Variants in CAMTA1 observed in about 807,000 individuals in gnomAD.
The protein encoded by CAMTA1 is calmodulin-binding transcription activator 1.
CAMTA1 carries 27 observed loss-of-function variants against 170.9 expected under a neutral mutation model. The observed-to-expected ratio is 0.16, with a 90% confidence interval of 0.12 to 0.22. The LOEUF is 0.22. CAMTA1 is among the 10% of genes least tolerant of loss of function. The pLI is 1.00. For missense variants in CAMTA1, 1,619 were observed against 2,217.2 expected (o/e 0.73, Z 5.42); for synonymous variants, 833 against 891.5 (o/e 0.93, Z 1.17).
chr1:7,085,649 G>T (rs536619570), intron 3 of CAMTA1, among the ~76,000 whole-genome samples: 1 of 152,370 alleles, frequency 6.6e-6, no homozygotes, highest in South Asian at 2.1e-4. Flanking sequence ...CAGGTTATGT[G>T]GGCAGAGCTG....
chr1:7,341,384 T>G (rs1178932244), intron 5 of CAMTA1, among the ~76,000 whole-genome samples: 1 of 152,220 alleles, frequency 6.6e-6, no homozygotes, highest in East Asian at 1.9e-4. Flanking sequence ...CTGAGAAGAA[T>G]GAGACACCCG....
chr1:7,406,135 A>G (rs1452540166), intron 5 of CAMTA1, among the ~76,000 whole-genome samples: 1 of 152,208 alleles, frequency 6.6e-6, no homozygotes, highest in African/African-American at 2.4e-5. Flanking sequence ...GTGATAAGTA[A>G]ATCTTGTCCA....
At chr1:7,142,142 C>T in intron 4 of CAMTA1, 1 of 518,720 alleles carries the variant, frequency 1.9e-6, no homozygotes, top group South Asian at 1.4e-5. Context: ...CCTCTGCAGT[C>T]TTGGAGAGCC....
intron 5 of CAMTA1, among the ~76,000 whole-genome samples, chr1:7,451,302 C>G (rs1022261930): frequency 6.6e-6 from 1 of 152,192 alleles, no homozygotes; most frequent in Non-Finnish European, 1.5e-5. Context: ...GATCAGTGCA[C>G]TGAGCTCTGC....
At chr1:7,411,311 C>T (rs867186104) in intron 5 of CAMTA1, among the ~76,000 whole-genome samples, 7 of 152,242 alleles carry the variant, frequency 4.6e-5, no homozygotes, top group African/African-American at 1.4e-4. Flanking sequence ...CCCCGACTGA[C>T]GCAGGATGTT....
At chr1:7,232,776 G>A (rs974576517) in intron 4 of CAMTA1, among the ~76,000 whole-genome samples, 10 of 152,244 alleles carry the variant, frequency 6.6e-5, no homozygotes, top group Non-Finnish European at 1.3e-4. Flanking sequence ...AGAACAAAGC[G>A]CATTAAGAGG....
chr1:7,390,056 C>T (rs1045099646), intron 5 of CAMTA1, among the ~76,000 whole-genome samples: 1 of 152,182 alleles, frequency 6.6e-6, no homozygotes, highest in Non-Finnish European at 1.5e-5. Context: ...CTTTACCTGC[C>T]GCTTCCCTGC....
intron 3 of CAMTA1, among the ~76,000 whole-genome samples, chr1:6,924,886 A>G (rs112038228): frequency 5.9e-5 from 9 of 152,274 alleles, no homozygotes; most frequent in African/African-American, 1.9e-4. Context: ...GGCAGCCCAC[A>G]TTTGCCTCTT....
intron 5 of CAMTA1, among the ~76,000 whole-genome samples, chr1:7,418,492 C>T (rs2091346624): frequency 6.6e-6 from 1 of 152,192 alleles, no homozygotes; most frequent in African/African-American, 2.4e-5. Flanking sequence ...AGCCACCGTG[C>T]CTGGCTTCTC....
chr1:7,492,403 G>A (rs886305210), intron 6 of CAMTA1, among the ~76,000 whole-genome samples: 1 of 152,094 alleles, frequency 6.6e-6, no homozygotes, highest in Non-Finnish European at 1.5e-5. Flanking sequence ...TCCTCAGCTG[G>A]GGTGTGCACA....
chr1:7,037,789 G>T (rs1572608272), intron 3 of CAMTA1, among the ~76,000 whole-genome samples: 5 of 150,560 alleles, frequency 3.3e-5, no homozygotes, highest in African/African-American at 1.2e-4. Flanking sequence ...AGTGAGCCAA[G>T]ATCGCACCAC....
intron 5 of CAMTA1, among the ~76,000 whole-genome samples, chr1:7,252,660 C>T (rs1244314342): frequency 6.6e-6 from 1 of 152,222 alleles, no homozygotes; most frequent in Non-Finnish European, 1.5e-5. Flanking sequence ...ATAGACTCAG[C>T]ATCTTCATCA....
intron 4 of CAMTA1, among the ~76,000 whole-genome samples, chr1:7,210,440 A>T (rs1191306187): frequency 6.6e-6 from 1 of 152,196 alleles, no homozygotes; most frequent in Admixed American, 6.5e-5. Context: ...TAGAAGGTGC[A>T]TGGTTGCCTG....
At chr1:7,448,160 T>G (rs1212793344) in intron 5 of CAMTA1, among the ~76,000 whole-genome samples, 1 of 152,176 alleles carries the variant, frequency 6.6e-6, no homozygotes, top group African/African-American at 2.4e-5. Context: ...TCTCCTTCCC[T>G]GGGCAAATTC....
chr1:7,451,913 TCATG>T (rs1333273238), intron 5 of CAMTA1, among the ~76,000 whole-genome samples: 1 of 152,172 alleles, frequency 6.6e-6, no homozygotes, highest in Non-Finnish European at 1.5e-5. Flanking sequence ...AAGGTCAAGT[TCATG>T]CCCACAAGGA....
intron 3 of CAMTA1, among the ~76,000 whole-genome samples, chr1:6,997,107 A>ATTCAC (rs1289148371): frequency 1.3e-5 from 2 of 152,170 alleles, no homozygotes; most frequent in African/African-American, 4.8e-5. Flanking sequence ...ATTCTTTGGC[A>ATTCAC]TTCACCGAAG....
chr1:6,955,610 TG>T lies in CAMTA1; in HGVS notation c.234+130401del, dbSNP rs562166616. Reference sequence around the variant, plus strand: ...TGGCAACCAGTATTACTACTATTGTTGTGACTGTTGAGTCAGATCAGGTTTC... The same window carrying T: ...TGGCAACCAGTATTACTACTATTGTTTGACTGTTGAGTCAGATCAGGTTTC... On this transcript the variant is annotated intron_variant, in intron 3 of 22. Transcript: ENST00000303635. 1.5e-4 allele frequency among the ~76,000 whole-genome samples: 23 copies of T among 152,280 alleles called. No homozygotes were observed. In the South Asian group the frequency reaches 4.8e-3, roughly 32 times the overall value.
At chr1:7,612,014 G>T (rs1251503536) in intron 6 of CAMTA1, among the ~76,000 whole-genome samples, 1 of 152,216 alleles carries the variant, frequency 6.6e-6, no homozygotes, top group Non-Finnish European at 1.5e-5. Flanking sequence ...GTGCTTTTGG[G>T]CTCTGGCCCC....
intron 3 of CAMTA1, among the ~76,000 whole-genome samples, chr1:6,916,246 C>T (rs1453270877): frequency 4.6e-5 from 7 of 152,096 alleles, no homozygotes; most frequent in East Asian, 3.9e-4. Flanking sequence ...CACCTGTCAG[C>T]GCAGAGCCCA....
Sources: gnomAD v4.1 joint callset for allele counts (sites outside exome capture counted in the v4.1 genomes callset) on GRCh38, gnomAD v4.1.1 for gene constraint, MANE v1.5 for transcripts, NCBI Gene and HGNC (gene_info 2026-07-23, HGNC 2026-07-21) for gene names.